Variants in RPTOR observed in about 807,000 individuals in gnomAD.
RPTOR encodes regulatory associated protein of MTOR complex 1, also known as regulatory-associated protein of mTOR.
RPTOR carries 21 observed loss-of-function variants against 169.9 expected under a neutral mutation model. That is an observed-to-expected ratio of 0.12 (90% CI 0.09 to 0.18). RPTOR has a LOEUF of 0.18. Among genes scored for constraint, RPTOR ranks in the 10% least tolerant of loss-of-function variants. RPTOR has a pLI of 1.00. For missense variants in RPTOR, 1,133 were observed against 1,855.9 expected (o/e 0.61, Z 7.16); for synonymous variants, 732 against 753.2 (o/e 0.97, Z 0.46).
intron 1 of RPTOR, among the ~76,000 whole-genome samples, chr17:80,553,223 A>T (rs2084366499): frequency 6.6e-6 from 1 of 152,226 alleles, no homozygotes; most frequent in Non-Finnish European, 1.5e-5. Context: ...TCTTTTTCAG[A>T]CTGTGTGTGC....
At chr17:80,617,642 A>G (rs900361901) in intron 1 of RPTOR, among the ~76,000 whole-genome samples, 1 of 152,258 alleles carries the variant, frequency 6.6e-6, no homozygotes. Flanking sequence ...GCTCTGTGAC[A>G]AAGTATTTTT....
At chr17:80,964,207 C>A in intron 33 of RPTOR, 55 bp from the exon 34 acceptor site, 2 of 1,285,224 alleles carry the variant, frequency 1.6e-6, no homozygotes, top group South Asian at 2.4e-5. Flanking sequence ...CCCCCCGCCC[C>A]CCGCAGTGTC....
chr17:80,923,003 G>A (rs1029771966), intron 22 of RPTOR, among the ~76,000 whole-genome samples, 176 bp downstream of exon 22: 4 of 152,172 alleles, frequency 2.6e-5, no homozygotes, highest in East Asian at 1.9e-4. Context: ...CCCGGTACCC[G>A]CCTGATCTGA....
intron 1 of RPTOR, among the ~76,000 whole-genome samples, chr17:80,610,748 C>T (rs2065264627): frequency 6.6e-6 from 1 of 152,102 alleles, no homozygotes; most frequent in South Asian, 2.1e-4. Context: ...GAAGTGATAC[C>T]CTCCCTGACT....
intron 4 of RPTOR, among the ~76,000 whole-genome samples, chr17:80,712,243 A>G (rs1311251369): frequency 3.9e-5 from 6 of 152,162 alleles, no homozygotes; most frequent in Non-Finnish European, 8.8e-5. Context: ...TATTTACACT[A>G]GGGCTCACTC....
At chr17:80,685,627 A>ATATTTTTTTTTTTTTT (rs1269766086) in intron 3 of RPTOR, among the ~76,000 whole-genome samples, 2 of 30,700 alleles carry the variant, frequency 6.5e-5, no homozygotes, top group Non-Finnish European at 5.4e-5. Flanking sequence ...ATATATATAT[A>ATATTTTTTTTTTTTTT]TTTTTTTTTT....
chr17:80,800,766 T>G (rs1029385359), intron 7 of RPTOR, among the ~76,000 whole-genome samples: 1 of 152,302 alleles, frequency 6.6e-6, no homozygotes, highest in Middle Eastern at 3.4e-3. Context: ...TATTAGGGTT[T>G]TCAGAAAGCT....
At chr17:80,826,428 A>C (rs1040172335) in intron 9 of RPTOR, among the ~76,000 whole-genome samples, 1 of 152,206 alleles carries the variant, frequency 6.6e-6, no homozygotes, top group Non-Finnish European at 1.5e-5. Context: ...GGCCTGTGGC[A>C]GTAACCGCAG....
chr17:80,564,664 A>G (rs1450727120), intron 1 of RPTOR, among the ~76,000 whole-genome samples: 1 of 148,116 alleles, frequency 6.8e-6, no homozygotes, highest in Non-Finnish European at 1.5e-5. Context: ...CATGTCACAG[A>G]GGTTTGTGTA....
chr17:80,867,048 A>C (rs1343270414), intron 13 of RPTOR, among the ~76,000 whole-genome samples: 1 of 152,232 alleles, frequency 6.6e-6, no homozygotes, highest in Non-Finnish European at 1.5e-5. Context: ...AAGGTTAGAC[A>C]CACGTTACAA....
intron 3 of RPTOR, among the ~76,000 whole-genome samples, chr17:80,666,318 C>G (rs1271071171): frequency 6.6e-6 from 1 of 152,014 alleles, no homozygotes; most frequent in Non-Finnish European, 1.5e-5. Flanking sequence ...GACTCTTGTT[C>G]CCTCTCCCTC....
At chr17:80,923,707 CTG>C in intron 23 of RPTOR, 34 bp downstream of exon 23, 3 of 1,529,796 alleles carry the variant, frequency 2.0e-6, no homozygotes, top group Non-Finnish European at 2.6e-6. Flanking sequence ...GATCTGGACA[CTG>C]AGAGCGTTGC....
intron 14 of RPTOR, 147 bp from the exon 15 acceptor site, chr17:80,883,272 C>A: frequency 1.4e-6 from 1 of 718,166 alleles, no homozygotes; most frequent in East Asian, 2.6e-5. Flanking sequence ...GTAGAGTCCA[C>A]GTAAAATCCA....
At chr17:80,677,958 T>G (rs2065872224) in intron 3 of RPTOR, among the ~76,000 whole-genome samples, 1 of 152,190 alleles carries the variant, frequency 6.6e-6, no homozygotes, top group African/African-American at 2.4e-5. Context: ...GATGAAATGG[T>G]TGTGTCTTAG....
intron 3 of RPTOR, among the ~76,000 whole-genome samples, chr17:80,664,232 G>C (rs117609480): frequency 6.6e-6 from 1 of 152,142 alleles, no homozygotes. Context: ...GTGCTGTGAG[G>C]CTTCCTATTC....
intron 3 of RPTOR, among the ~76,000 whole-genome samples, chr17:80,656,321 G>A (rs1045387024): frequency 5.9e-5 from 9 of 152,164 alleles, no homozygotes; most frequent in Non-Finnish European, 1.0e-4. Flanking sequence ...ACCCGCCTTG[G>A]CCTCCCAAAG....
intron 20 of RPTOR, among the ~76,000 whole-genome samples, chr17:80,906,885 A>T (rs1210466521): frequency 6.6e-6 from 1 of 152,048 alleles, no homozygotes; most frequent in Non-Finnish European, 1.5e-5. Flanking sequence ...AGCCACGGGC[A>T]TGGGGCTTCC....
At position 80,609,661 on chromosome 17, in the gene RPTOR, C is replaced by T. The variant is rs1010313288; in HGVS notation, c.163-16030C>T. On this transcript the variant is annotated intron_variant, in intron 1 of 33. Transcript: ENST00000306801. This position sits in a 1 kb window ranked among gnomAD's most constrained non-coding sequence, Gnocchi z 4.8. ...TCAGGAGGCTGAGGCATGAGAATCG[C>T]TTGAACCCAGGAGGTGGAGGTTGCA... Among the ~76,000 whole-genome samples, 1 of 152,018 alleles carries T rather than the reference C, an allele frequency of 6.6e-6. No homozygotes were observed. Among genetic ancestry groups the T allele is most frequent in the Non-Finnish European group, 1.5e-5 (1 of 68,024 alleles).
At chr17:80,711,085 C>A (rs2066185905) in intron 4 of RPTOR, among the ~76,000 whole-genome samples, 1 of 152,110 alleles carries the variant, frequency 6.6e-6, no homozygotes, top group Non-Finnish European at 1.5e-5. Context: ...GGACCTTGTC[C>A]ATTTCTACTA....
Sources: allele counts gnomAD v4.1 joint callset (sites outside exome capture counted in the v4.1 genomes callset), GRCh38; gene constraint gnomAD v4.1.1; non-coding constraint Gnocchi (gnomAD v3.1); transcripts MANE v1.5; gene names NCBI Gene and HGNC (gene_info 2026-07-23, HGNC 2026-07-21).